NWD2: variants seen among roughly 807,000 people sequenced by gnomAD.
NWD2 encodes the protein NACHT and WD repeat domain containing 2.
Under a neutral mutation model 132.7 loss-of-function variants are expected in NWD2, and 37 were observed. The observed-to-expected ratio is 0.28, with a 90% CI of 0.21 to 0.37. The LOEUF (loss-of-function observed/expected upper bound fraction) is 0.37, where lower values mean the gene tolerates loss of function less well. Among genes scored for constraint, NWD2 ranks in the 10% least tolerant of loss-of-function variants. NWD2 has a pLI of 1.00. For synonymous variants in NWD2, 705 were observed against 803.0 expected (o/e 0.88, Z 2.06); for missense variants, 1,592 against 2,122.4 (o/e 0.75, Z 4.91).
chr4:37,330,481 A>G (rs1171983445), intron 2 of NWD2, among the ~76,000 whole-genome samples: 2 of 152,248 alleles, frequency 1.3e-5, no homozygotes, highest in African/African-American at 2.4e-5. Context: ...TGCAAAACAG[A>G]TAAAATAAAT....
chr4:37,429,895 G>A (rs1712122359), intron 3 of NWD2, among the ~76,000 whole-genome samples: 1 of 152,092 alleles, frequency 6.6e-6, no homozygotes, highest in African/African-American at 2.4e-5. Context: ...AATACATATT[G>A]CCTGATTAGG....
At chr4:37,357,467 AT>A (rs1357435733) in intron 3 of NWD2, among the ~76,000 whole-genome samples, 1 of 152,242 alleles carries the variant, frequency 6.6e-6, no homozygotes, top group Non-Finnish European at 1.5e-5. Context: ...TAAAGGCTGT[AT>A]CATATAGTAT....
chr4:37,245,941 A>G (rs1469011439), intron 1 of NWD2, among the ~76,000 whole-genome samples: 2 of 152,092 alleles, frequency 1.3e-5, no homozygotes, highest in Middle Eastern at 6.3e-3. Context: ...TTGCATTCAC[A>G]ACCACAGAGG....
chr4:37,360,520 A>G (rs10517409), intron 3 of NWD2, among the ~76,000 whole-genome samples: 8,425 of 152,268 alleles, frequency 0.055, 256 homozygotes, highest in East Asian at 0.098. Context: ...TACTGACTAA[A>G]AGCTTTACCT....
chr4:37,404,388 AG>A (rs1720955670), intron 3 of NWD2, among the ~76,000 whole-genome samples: 1 of 152,178 alleles, frequency 6.6e-6, no homozygotes, highest in African/African-American at 2.4e-5. Context: ...CCCATCTAGA[AG>A]GTCCTTTCCC....
intron 3 of NWD2, among the ~76,000 whole-genome samples, chr4:37,378,981 C>T (rs1720401195): frequency 6.6e-6 from 1 of 152,186 alleles, no homozygotes; most frequent in African/African-American, 2.4e-5. Context: ...CTTACAATTG[C>T]AGTTCACATT....
Position 37,394,791 on chromosome 4 carries a change from C to A in NWD2, c.358-35781C>A, listed in dbSNP as rs952926705. On this transcript the variant is annotated intron_variant, in intron 3 of 6. Transcript: ENST00000309447. ...TTGGCCTATTTTCCTCTATAGTGAA[C>A]CTTTATGGTTTTTTTTTTTTTTTTT... Among the ~76,000 whole-genome samples, 7 of 67,720 alleles carry A rather than the reference C, an allele frequency of 1.0e-4. No individual in the cohort carries two copies. In the East Asian group the frequency reaches 2.2e-3, roughly 22 times the overall value. 44.4% of individuals were successfully genotyped at this position (67,720 alleles called of 152,430 possible).
chr4:37,407,907 G>A (rs575936057), intron 3 of NWD2, among the ~76,000 whole-genome samples: 25 of 152,272 alleles, frequency 1.6e-4, no homozygotes, highest in South Asian at 1.5e-3. Context: ...ATGGGGTGTC[G>A]CCTCACCCGG....
intron 1 of NWD2, among the ~76,000 whole-genome samples, chr4:37,313,818 C>T (rs982243747): frequency 2.0e-5 from 3 of 151,010 alleles, no homozygotes; most frequent in Non-Finnish European, 4.4e-5. Context: ...GCTGCCTCAG[C>T]CTCCTGAGTA....
At position 37,447,261 on chromosome 4, in the gene NWD2, GA is replaced by G; in HGVS notation, c.*46del. ...AGCAGAAATATGTGATCCACGTACA[GA>G]AGGGAAAAAAATGTGCCCCAAATGA... On this transcript the variant is annotated 3_prime_UTR_variant, in exon 7 of 7. Coordinates refer to ENST00000309447, the MANE Select transcript of NWD2 (RefSeq NM_001144990.2). The G allele has an allele frequency of 7.0e-7, 1 of 1,428,366 alleles. No homozygotes were observed. Among genetic ancestry groups the G allele is most frequent in the Non-Finnish European group, 9.4e-7 (1 of 1,061,432 alleles). 88.5% of individuals were successfully genotyped at this position (1,428,366 alleles called of 1,614,324 possible).
chr4:37,270,202 C>T (rs1433875984), intron 1 of NWD2, among the ~76,000 whole-genome samples: 1 of 151,682 alleles, frequency 6.6e-6, no homozygotes, highest in Non-Finnish European at 1.5e-5. Flanking sequence ...TTTTATACAA[C>T]TTGAATAAGG....
chr4:37,259,762 G>A (rs1369690377), intron 1 of NWD2, among the ~76,000 whole-genome samples: 2 of 152,128 alleles, frequency 1.3e-5, no homozygotes, highest in Admixed American at 6.5e-5. Context: ...CCAACCAGCC[G>A]CAATCCATGG....
intron 3 of NWD2, among the ~76,000 whole-genome samples, chr4:37,401,781 T>C (rs530801662): frequency 6.6e-6 from 1 of 152,338 alleles, no homozygotes; most frequent in South Asian, 2.1e-4. Flanking sequence ...TCCATGCCCA[T>C]CTTCAGACCT....
chr4:37,245,067 G>A lies in NWD2; in HGVS notation c.-1G>A, dbSNP rs989448633. The A allele has an allele frequency of 9.4e-5, 145 of 1,544,858 alleles. No homozygotes were observed. The highest frequency in any genetic ancestry group is 1.2e-4 in the Non-Finnish European group (139 of 1,146,426). On this transcript the variant is annotated 5_prime_UTR_variant, in exon 1 of 7. Coordinates refer to ENST00000309447, the MANE Select transcript of NWD2 (RefSeq NM_001144990.2). ...GCAGTGGCTGTTCCTCCCAGAGGGC[G>A]ATGTGGCCGGCCGGCGCGGGCACCA...
intron 1 of NWD2, among the ~76,000 whole-genome samples, chr4:37,287,206 T>C (rs1457509726): frequency 6.6e-6 from 1 of 152,082 alleles, no homozygotes; most frequent in Non-Finnish European, 1.5e-5. Flanking sequence ...GGGCCTAGGG[T>C]CCCAACCCTG....
intron 3 of NWD2, among the ~76,000 whole-genome samples, chr4:37,377,199 C>A (rs1271743208): frequency 6.6e-6 from 1 of 152,194 alleles, no homozygotes; most frequent in Non-Finnish European, 1.5e-5. Context: ...CCACTCCAAT[C>A]ACCATGTGAT....
chr4:37,411,641 A>G (rs1208151180), intron 3 of NWD2, among the ~76,000 whole-genome samples: 1 of 152,240 alleles, frequency 6.6e-6, no homozygotes, highest in Admixed American at 6.5e-5. Context: ...TTATGAGGCC[A>G]GCATCACCCT....
chr4:37,426,075 C>G (rs1287279109), intron 3 of NWD2, among the ~76,000 whole-genome samples: 2 of 152,162 alleles, frequency 1.3e-5, no homozygotes, highest in Non-Finnish European at 2.9e-5. Context: ...TGACTCTGGT[C>G]CTGGTAAAAT....
chr4:37,433,768 T>C (rs1712239710), intron 4 of NWD2, 108 bp from the exon 5 acceptor site: 1 of 743,010 alleles, frequency 1.3e-6, no homozygotes, highest in Non-Finnish European at 2.1e-6. Context: ...GCACCTATCA[T>C]AGTATTGGCA....
Sources: allele counts gnomAD v4.1 joint callset (sites outside exome capture counted in the v4.1 genomes callset), GRCh38; gene constraint gnomAD v4.1.1; transcripts MANE v1.5; gene names NCBI Gene and HGNC (gene_info 2026-07-23, HGNC 2026-07-21).